SCFD2: variants seen among roughly 807,000 people sequenced by gnomAD.
SCFD2 encodes the protein sec1 family domain containing 2.
In SCFD2, 54 loss-of-function variants were observed where a neutral mutation model predicts 58.9. The observed-to-expected ratio is 0.92, with a 90% CI of 0.74 to 1.15. SCFD2 has a LOEUF of 1.15. SCFD2 is among the 50% of genes most tolerant of loss of function. The probability of loss-of-function intolerance (pLI) is 0.00; values close to 1 mark genes in which losing one functional copy is unlikely to be tolerated. For missense variants in SCFD2, 805 were observed against 836.6 expected, an observed-to-expected ratio of 0.96 and a Z score of 0.47; for synonymous variants, 321 against 335.9, an observed-to-expected ratio of 0.96 and a Z score of 0.49.
intron 4 of SCFD2, among the ~76,000 whole-genome samples, chr4:53,217,649 G>T (rs781699709): frequency 6.6e-6 from 1 of 152,122 alleles, no homozygotes; most frequent in South Asian, 2.1e-4. Context: ...TACATTTAAG[G>T]TTAATATCGT....
At chr4:52,907,708 A>ATGTG (rs10557430) in intron 6 of SCFD2, 117 bp from the exon 7 acceptor site, 7,040 of 684,610 alleles carry the variant, frequency 0.01, 20 homozygotes, top group East Asian at 0.037. Context: ...CAATGCCTAT[A>ATGTG]TGTGTGTGTG....
intron 4 of SCFD2, among the ~76,000 whole-genome samples, chr4:53,247,870 A>G (rs1476452595): frequency 1.4e-5 from 2 of 141,184 alleles, no homozygotes; most frequent in Non-Finnish European, 3.1e-5. Flanking sequence ...TCCGTCTCAA[A>G]AAAAAAAAAA....
intron 4 of SCFD2, among the ~76,000 whole-genome samples, chr4:53,195,696 C>T (rs1381303602): frequency 6.6e-6 from 1 of 152,156 alleles, no homozygotes; most frequent in African/African-American, 2.4e-5. Context: ...TTCAGTACTA[C>T]CTGGATTGTG....
At chr4:53,211,090 A>C (rs944990463) in intron 4 of SCFD2, among the ~76,000 whole-genome samples, 22 of 152,012 alleles carry the variant, frequency 1.4e-4, no homozygotes, top group Admixed American at 5.2e-4. Context: ...TAAAATACAA[A>C]AAATTAGCCA....
At chr4:52,900,223 G>A (rs959085041) in intron 7 of SCFD2, among the ~76,000 whole-genome samples, 3 of 152,116 alleles carry the variant, frequency 2.0e-5, no homozygotes, top group African/African-American at 2.4e-5. Context: ...GAGGAGAGGC[G>A]CTCTGATTTT....
chr4:53,244,233 T>C (rs1168200329), intron 4 of SCFD2, among the ~76,000 whole-genome samples: 1 of 152,050 alleles, frequency 6.6e-6, no homozygotes, highest in African/African-American at 2.4e-5. Context: ...CTGGACCAAA[T>C]GGACCTGATT....
rs556754084 is a variant in SCFD2, at chr4:53,156,611, T to C, written c.1312-11029A>G. 3.3e-5 allele frequency among the ~76,000 whole-genome samples: 5 copies of C among 152,230 alleles called. No individual in the cohort carries two copies. In the East Asian group the frequency reaches 9.7e-4, roughly 29 times the overall value. ...TACTTGGGAGCCTGAGGCAGGAGAA[T>C]GGCATGAACCCAGGAGGCGGAGCTT... On this transcript the variant is annotated intron_variant, in intron 4 of 8. Coordinates refer to ENST00000401642, the MANE Select transcript of SCFD2 (RefSeq NM_152540.4).
rs1269759064 is a variant in SCFD2 at position 53,365,593 on chromosome 4, G to A, written c.349C>T (p.His117Tyr). Residue 117 changes from histidine to tyrosine, a missense_variant, in exon 1 of 9, where the codon CAT becomes TAT. Coordinates refer to ENST00000401642, the MANE Select transcript of SCFD2 (RefSeq NM_152540.4). The surrounding 1 kb of genome is among the most constrained non-coding windows in gnomAD (Gnocchi z 4.3). ...VSHAVHLTANHVPAAAAAEME... is the reference protein window; with the variant it reads ...VSHAVHLTANYVPAAAAAEME... Reference sequence around the variant, plus strand: ...TCGGCCGCTGCCGCCGCTGGGACATGATTAGCTGTGAGGTGGACAGCGTGG... The same window carrying A: ...TCGGCCGCTGCCGCCGCTGGGACATAATTAGCTGTGAGGTGGACAGCGTGG... The A allele has an allele frequency of 6.2e-7, 1 of 1,614,222 alleles. No individual in the cohort carries two copies.
intron 2 of SCFD2, among the ~76,000 whole-genome samples, chr4:53,333,344 A>C (rs1733559718): frequency 7.0e-6 from 1 of 142,250 alleles, no homozygotes; most frequent in Non-Finnish European, 1.5e-5. Context: ...ACCTGACTTC[A>C]AACTATACTA....
intron 5 of SCFD2, among the ~76,000 whole-genome samples, chr4:53,137,453 G>T (rs1704555217): frequency 6.6e-6 from 1 of 152,206 alleles, no homozygotes; most frequent in Admixed American, 6.5e-5. Context: ...AACCCCAGTT[G>T]TTATGCTAAT....
intron 5 of SCFD2, among the ~76,000 whole-genome samples, chr4:53,027,386 A>G (rs1257815234): frequency 6.6e-6 from 1 of 152,118 alleles, no homozygotes; most frequent in African/African-American, 2.4e-5. Flanking sequence ...GTCCTTGGAT[A>G]GGGTGATTAG....
intron 2 of SCFD2, among the ~76,000 whole-genome samples, chr4:53,345,027 A>G (rs1473930156): frequency 1.3e-5 from 2 of 152,242 alleles, no homozygotes; most frequent in Non-Finnish European, 2.9e-5. Flanking sequence ...ACCATTCAGG[A>G]CATAGGCATG....
chr4:53,288,148 G>C (rs1731728024), intron 3 of SCFD2, among the ~76,000 whole-genome samples: 1 of 151,856 alleles, frequency 6.6e-6, no homozygotes, highest in South Asian at 2.1e-4. Context: ...AGATCAAGCA[G>C]AAGAAAGAAT....
intron 5 of SCFD2, among the ~76,000 whole-genome samples, chr4:53,076,168 T>A (rs1240263940): frequency 1.3e-5 from 2 of 152,132 alleles, no homozygotes; most frequent in East Asian, 1.9e-4. Context: ...CAAGAAAAAA[T>A]TTCTATCACA....
At chr4:53,056,523 T>C (rs1206480055) in intron 5 of SCFD2, among the ~76,000 whole-genome samples, 2 of 152,210 alleles carry the variant, frequency 1.3e-5, no homozygotes, top group African/African-American at 4.8e-5. Flanking sequence ...TTCATTTATA[T>C]ATCTAACTTT....
At chr4:52,985,475 C>T (rs912004244) in intron 5 of SCFD2, among the ~76,000 whole-genome samples, 1 of 152,008 alleles carries the variant, frequency 6.6e-6, no homozygotes, top group Admixed American at 6.6e-5. Context: ...TAATAAAATG[C>T]TAATATCATC....
intron 4 of SCFD2, among the ~76,000 whole-genome samples, chr4:53,240,225 A>T (rs1255187687): frequency 1.3e-5 from 2 of 152,212 alleles, no homozygotes. Context: ...TCTTACCTTC[A>T]AAAATCCCAT....
intron 5 of SCFD2, among the ~76,000 whole-genome samples, chr4:53,000,052 C>T (rs1435426016): frequency 1.3e-5 from 2 of 152,320 alleles, no homozygotes; most frequent in East Asian, 3.9e-4. Flanking sequence ...GTCCAGCAAG[C>T]CCTCAGGCAC....
At chr4:53,298,173 G>A (rs1485573198) in intron 3 of SCFD2, among the ~76,000 whole-genome samples, 1 of 152,140 alleles carries the variant, frequency 6.6e-6, no homozygotes, top group Non-Finnish European at 1.5e-5. Context: ...AAGCGCAAGG[G>A]GTCAGGGAAT....
Sources: gnomAD v4.1 joint callset for allele counts (sites outside exome capture counted in the v4.1 genomes callset) on GRCh38, gnomAD v4.1.1 for gene constraint, Gnocchi (gnomAD v3.1) non-coding constraint, MANE v1.5 for transcripts, NCBI Gene and HGNC (gene_info 2026-07-23, HGNC 2026-07-21) for gene names.